Variants in SLC9D1 observed in about 807,000 individuals in gnomAD.
SLC9D1 encodes the protein putative LAG1-interacting protein.
At chr13:113,518,571 T>C in the SLC9D1 span, among the ~76,000 whole-genome samples, 3 of 152,242 alleles carry the variant, frequency 2.0e-5, no homozygotes, top group South Asian at 2.1e-4. Context: ...GAACGTGTTA[T>C]CTGCGGAAGA....
chr13:113,534,067 A>G, the SLC9D1 span: 6 of 1,606,634 alleles, frequency 3.7e-6, no homozygotes, highest in Non-Finnish European at 5.1e-6. Context: ...AGTTCTCCGA[A>G]TCCTGGTTTT....
chr13:113,505,066 GC>G, the SLC9D1 span: 1 of 152,100 alleles, frequency 6.6e-6, no homozygotes, highest in Non-Finnish European at 1.5e-5. Context: ...GTGATGTTCA[GC>G]ATTTTTTTAT....
the SLC9D1 span, chr13:113,529,318 C>CTCTGTCCGTG: frequency 6.6e-6 from 1 of 152,112 alleles, no homozygotes; most frequent in East Asian, 2.0e-4. Context: ...TGCAGCGGCT[C>CTCTGTCCGTG]ACGCTGTCAT....
chr13:113,531,801 C>T, the SLC9D1 span, among the ~76,000 whole-genome samples: 3 of 152,266 alleles, frequency 2.0e-5, no homozygotes, highest in South Asian at 2.1e-4. Context: ...CAGAGTTGAG[C>T]GCACTGTGGC....
the SLC9D1 span, among the ~76,000 whole-genome samples, chr13:113,525,889 G>A: frequency 4.0e-5 from 6 of 150,102 alleles, no homozygotes; most frequent in Non-Finnish European, 8.9e-5. Context: ...GCTCTGTGCC[G>A]GTTATTCTAG....
the SLC9D1 span, chr13:113,548,363 TG>T: frequency 1.2e-6 from 2 of 1,613,974 alleles, no homozygotes; most frequent in Non-Finnish European, 1.7e-6. Context: ...GTACATCAAG[TG>T]GATCGTCTCT....
At chr13:113,544,828 G>T in the SLC9D1 span, among the ~76,000 whole-genome samples, 1 of 152,248 alleles carries the variant, frequency 6.6e-6, no homozygotes, top group Admixed American at 6.5e-5. Flanking sequence ...CCACACTGGG[G>T]CTGGAGCCTG....
At chr13:113,534,105 G>C in the SLC9D1 span, 1 of 1,612,558 alleles carries the variant, frequency 6.2e-7, no homozygotes, top group Non-Finnish European at 8.5e-7. Flanking sequence ...TTTCACTAGC[G>C]GCGGTTTTTC....
At chr13:113,520,805 C>A in the SLC9D1 span, 27,990 of 1,112,712 alleles carry the variant, frequency 0.025, 618 homozygotes, top group East Asian at 0.097. Context: ...TACTTAATAC[C>A]TTTTCCAAAG....
the SLC9D1 span, chr13:113,510,459 T>G: frequency 8.8e-6 from 14 of 1,589,152 alleles, no homozygotes; most frequent in Non-Finnish European, 1.2e-5. Context: ...CGTGTCTAAT[T>G]CATGCTCGTG....
the SLC9D1 span, among the ~76,000 whole-genome samples, chr13:113,535,683 C>T: frequency 1.1e-4 from 16 of 151,978 alleles, no homozygotes; most frequent in East Asian, 2.7e-3. The surrounding 1 kb of genome is among the most constrained non-coding windows in gnomAD (Gnocchi z 4.1). Flanking sequence ...CCAAAGGCTG[C>T]GTACTGTGTG....
the SLC9D1 span, among the ~76,000 whole-genome samples, chr13:113,544,194 T>C: frequency 0.18 from 26,823 of 152,246 alleles, 2,630 homozygotes; most frequent in Admixed American, 0.28. Context: ...ACCTGCAGGC[T>C]GGCAGGCGTC....
the SLC9D1 span, among the ~76,000 whole-genome samples, chr13:113,538,474 T>G: frequency 2.7e-4 from 41 of 152,310 alleles, no homozygotes; most frequent in Non-Finnish European, 5.1e-4. Context: ...CTGGTCAGTT[T>G]CACACACATG....
the SLC9D1 span, among the ~76,000 whole-genome samples, chr13:113,535,609 G>T: frequency 6.6e-6 from 1 of 152,186 alleles, no homozygotes; most frequent in East Asian, 1.9e-4. This position sits in a 1 kb window ranked among gnomAD's most constrained non-coding sequence, Gnocchi z 4.1. Context: ...ACCACGGAAC[G>T]CCACCCAGCA....
At chr13:113,507,849 A>G in the SLC9D1 span, among the ~76,000 whole-genome samples, 1 of 152,146 alleles carries the variant, frequency 6.6e-6, no homozygotes, top group Non-Finnish European at 1.5e-5. Context: ...GTGTGTGCCT[A>G]CCCTGCGGCT....
At chr13:113,539,536 TGTTG>T in the SLC9D1 span, 1 of 1,607,210 alleles carries the variant, frequency 6.2e-7, no homozygotes, top group Admixed American at 1.7e-5. The surrounding 1 kb of genome is among the most constrained non-coding windows in gnomAD (Gnocchi z 4.8). Context: ...ATTATGATTG[TGTTG>T]GTTAAACGTA....
At chr13:113,534,543 T>C in the SLC9D1 span, 3 of 392,006 alleles carry the variant, frequency 7.7e-6, no homozygotes, top group Non-Finnish European at 1.4e-5. Context: ...AGTCCTAGCA[T>C]GTGGGGAAGC....
At chr13:113,510,047 C>T in the SLC9D1 span, among the ~76,000 whole-genome samples, 1 of 152,128 alleles carries the variant, frequency 6.6e-6, no homozygotes, top group Non-Finnish European at 1.5e-5. Context: ...GTGTGTGCAG[C>T]CCTGTGACAG....
At chr13:113,538,963 G>T in the SLC9D1 span, among the ~76,000 whole-genome samples, 3 of 152,214 alleles carry the variant, frequency 2.0e-5, no homozygotes, top group Non-Finnish European at 4.4e-5. Context: ...TCGTCCTGTC[G>T]CTTTCTCTCT....
Sources: allele counts gnomAD v4.1 joint callset (sites outside exome capture counted in the v4.1 genomes callset), GRCh38; gene constraint gnomAD v4.1.1; non-coding constraint Gnocchi (gnomAD v3.1); transcripts MANE v1.5; gene names NCBI Gene and HGNC (gene_info 2026-07-23, HGNC 2026-07-21).